The following MYO1D variants were observed in gnomAD, a reference collection of about 807,000 sequenced individuals.
MYO1D encodes myosin ID, also known as unconventional myosin-Id.
In MYO1D, 83 loss-of-function variants were observed where a neutral mutation model predicts 122.0. The ratio of observed to expected loss-of-function variants is 0.68; its 90% CI spans 0.57 to 0.82. The LOEUF (loss-of-function observed/expected upper bound fraction) is 0.82. Among genes scored for constraint, MYO1D ranks in the 40% least tolerant of loss-of-function variants. The pLI, the probability that MYO1D is intolerant of heterozygous loss-of-function variation, is 0.00. For missense variants in MYO1D, 1,157 were observed against 1,269.5 expected (o/e 0.91, Z 1.35); for synonymous variants, 464 against 446.9 (o/e 1.04, Z -0.48).
intron 19 of MYO1D, among the ~76,000 whole-genome samples, chr17:32,642,776 C>T (rs147698241): frequency 0.035 from 5,308 of 152,236 alleles, 266 homozygotes; most frequent in African/African-American, 0.11. Context: ...ACTGATTTTG[C>T]ATCCTGAGAG....
At chr17:32,596,728 T>A (rs2150908039) in intron 21 of MYO1D, among the ~76,000 whole-genome samples, 1 of 152,250 alleles carries the variant, frequency 6.6e-6, no homozygotes, top group East Asian at 1.9e-4. Context: ...TTTTAATGCC[T>A]GCAATTGGAG....
At chr17:32,627,172 T>C (rs1168661323) in intron 20 of MYO1D, among the ~76,000 whole-genome samples, 3 of 152,190 alleles carry the variant, frequency 2.0e-5, no homozygotes, top group Admixed American at 1.3e-4. Flanking sequence ...AATAAATTAA[T>C]AAAGCTGAGT....
chr17:32,786,834 G>A (rs962363765), intron 1 of MYO1D, among the ~76,000 whole-genome samples: 4 of 151,794 alleles, frequency 2.6e-5, no homozygotes, highest in Non-Finnish European at 2.9e-5. Flanking sequence ...GAAAAAAGAC[G>A]GTCAGTTGAA....
chr17:32,689,652 C>A (rs1379877239), intron 16 of MYO1D, among the ~76,000 whole-genome samples: 1 of 152,064 alleles, frequency 6.6e-6, no homozygotes, highest in African/African-American at 2.4e-5. Context: ...TATATTTTCA[C>A]TTAACATTTA....
chr17:32,873,333 G>C (rs577536838), intron 1 of MYO1D, among the ~76,000 whole-genome samples: 1 of 152,190 alleles, frequency 6.6e-6, no homozygotes, highest in Non-Finnish European at 1.5e-5. Flanking sequence ...CCTTGCAGAA[G>C]AGCCAGGTGG....
chr17:32,648,867 T>C (rs979423820), intron 19 of MYO1D, among the ~76,000 whole-genome samples: 6 of 152,254 alleles, frequency 3.9e-5, no homozygotes, highest in African/African-American at 1.4e-4. Context: ...TTTTCCACAT[T>C]TCTCTGCTTT....
intron 21 of MYO1D, among the ~76,000 whole-genome samples, chr17:32,563,158 T>C (rs2087140881): frequency 6.6e-6 from 1 of 151,884 alleles, no homozygotes; most frequent in Non-Finnish European, 1.5e-5. Context: ...TTTATATATG[T>C]TGTTATTTTC....
At chr17:32,537,080 C>T (rs1318832651) in intron 21 of MYO1D, among the ~76,000 whole-genome samples, 4 of 152,188 alleles carry the variant, frequency 2.6e-5, no homozygotes, top group Non-Finnish European at 4.4e-5. Flanking sequence ...AGACTTGTTT[C>T]CTCCTAGGGC....
intron 21 of MYO1D, among the ~76,000 whole-genome samples, chr17:32,569,761 C>T (rs530457528): frequency 6.6e-6 from 1 of 152,302 alleles, no homozygotes; most frequent in East Asian, 1.9e-4. Flanking sequence ...TCATCCTGCT[C>T]CGAGAGCTTT....
intron 21 of MYO1D, among the ~76,000 whole-genome samples, chr17:32,590,957 C>T (rs1465025809): frequency 6.6e-6 from 1 of 152,174 alleles, no homozygotes; most frequent in African/African-American, 2.4e-5. Flanking sequence ...GATCAGTTTT[C>T]CAGTATTTTT....
chr17:32,802,880 T>C (rs2090472105), intron 1 of MYO1D, among the ~76,000 whole-genome samples: 1 of 152,204 alleles, frequency 6.6e-6, no homozygotes, highest in African/African-American at 2.4e-5. Flanking sequence ...TTAGGAAAGG[T>C]ACCTGCTGGT....
intron 16 of MYO1D, among the ~76,000 whole-genome samples, chr17:32,698,965 TATTTTA>T (rs537470379): frequency 1.3e-5 from 2 of 152,286 alleles, no homozygotes; most frequent in South Asian, 2.1e-4. Context: ...ACATTTATTT[TATTTTA>T]ATTTTAATTT....
chr17:32,821,958 C>A (rs2090669553), intron 1 of MYO1D, among the ~76,000 whole-genome samples: 2 of 152,312 alleles, frequency 1.3e-5, no homozygotes, highest in African/African-American at 4.8e-5. Flanking sequence ...TTGTGGAAGT[C>A]AGTGTGGCCA....
chr17:32,847,213 A>G (rs1388922517), intron 1 of MYO1D, among the ~76,000 whole-genome samples: 1 of 152,232 alleles, frequency 6.6e-6, no homozygotes, highest in Non-Finnish European at 1.5e-5. Context: ...CAGAATGTCA[A>G]CGATGCCAAA....
At chr17:32,800,374 T>C (rs1172378259) in intron 1 of MYO1D, among the ~76,000 whole-genome samples, 2 of 152,150 alleles carry the variant, frequency 1.3e-5, no homozygotes, top group African/African-American at 2.4e-5. Context: ...TTTAAAAAAA[T>C]AGGAAATTCT....
intron 20 of MYO1D, among the ~76,000 whole-genome samples, chr17:32,608,154 A>C (rs1275436826): frequency 6.6e-6 from 1 of 152,242 alleles, no homozygotes; most frequent in Non-Finnish European, 1.5e-5. Flanking sequence ...GATCAAATTT[A>C]AAACTTTTGC....
At chr17:32,770,790 C>A (rs1028277434) in intron 6 of MYO1D, among the ~76,000 whole-genome samples, 19 of 152,098 alleles carry the variant, frequency 1.2e-4, no homozygotes, top group African/African-American at 4.3e-4. Flanking sequence ...CATATGGAAT[C>A]TTCTTAGGAG....
intron 15 of MYO1D, among the ~76,000 whole-genome samples, chr17:32,715,902 T>C (rs554458781): frequency 5.3e-5 from 8 of 152,292 alleles, no homozygotes; most frequent in African/African-American, 1.9e-4. Flanking sequence ...TCAAGTTCTA[T>C]TGACTCTACC....
intron 1 of MYO1D, among the ~76,000 whole-genome samples, chr17:32,856,973 G>A (rs887053835): frequency 7.9e-5 from 12 of 152,058 alleles, no homozygotes; most frequent in Non-Finnish European, 1.8e-4. Flanking sequence ...CTTTCCATAT[G>A]TATGAAGCAG....
Sources: gnomAD v4.1 joint callset for allele counts (sites outside exome capture counted in the v4.1 genomes callset) on GRCh38, gnomAD v4.1.1 for gene constraint, MANE v1.5 for transcripts, NCBI Gene and HGNC (gene_info 2026-07-23, HGNC 2026-07-21) for gene names.